Variants in PIK3C2G observed in about 807,000 individuals in gnomAD.
The protein encoded by PIK3C2G is phosphatidylinositol 3-kinase C2 domain-containing subunit gamma.
A neutral mutation model predicts 181.1 loss-of-function variants in PIK3C2G; 168 were observed. The observed-to-expected ratio is 0.93, with a 90% CI of 0.82 to 1.05. The LOEUF is 1.05. Among genes scored for constraint, PIK3C2G ranks in the 50% least tolerant of loss-of-function variants. The probability of loss-of-function intolerance (pLI) is 0.00; values close to 1 mark genes in which losing one functional copy is unlikely to be tolerated. For synonymous variants in PIK3C2G, 573 were observed against 592.2 expected (o/e 0.97, Z 0.47); for missense variants, 1,869 against 1,732.8 (o/e 1.08, Z -1.40).
At chr12:18,408,946 G>C (rs770548929) in intron 16 of PIK3C2G, among the ~76,000 whole-genome samples, 59 of 152,146 alleles carry the variant, frequency 3.9e-4, no homozygotes, top group Admixed American at 1.2e-3. Context: ...TTATACTGTT[G>C]GTGGGAGTGT....
the PIK3C2G span, chr12:18,688,319 T>C: frequency 8.2e-7 from 1 of 1,220,754 alleles, no homozygotes; most frequent in Non-Finnish European, 1.1e-6. Flanking sequence ...TGATGGACTC[T>C]AAGTCAGCTC....
At chr12:18,706,022 T>A in the PIK3C2G span, among the ~76,000 whole-genome samples, 28 of 151,338 alleles carry the variant, frequency 1.9e-4, no homozygotes, top group African/African-American at 6.1e-4. Context: ...GGGTCAGGAG[T>A]TCGAGACCAG....
chr12:18,637,301 T>C (rs1949646210), intron 31 of PIK3C2G, among the ~76,000 whole-genome samples: 1 of 152,174 alleles, frequency 6.6e-6, no homozygotes, highest in Admixed American at 6.5e-5. Flanking sequence ...ATTCAAGGGT[T>C]TCTGGATCTG....
intron 29 of PIK3C2G, among the ~76,000 whole-genome samples, chr12:18,580,668 A>C (rs1946451705): frequency 6.6e-6 from 1 of 152,224 alleles, no homozygotes; most frequent in African/African-American, 2.4e-5. Flanking sequence ...ACTATTCTTC[A>C]TAGTGTCATT....
the PIK3C2G span, among the ~76,000 whole-genome samples, chr12:18,660,692 G>A: frequency 6.6e-6 from 1 of 152,038 alleles, no homozygotes; most frequent in African/African-American, 2.4e-5. Flanking sequence ...TTCTGGGAAA[G>A]GAGAAGAATC....
At chr12:18,589,207 T>A (rs1463128221) in intron 29 of PIK3C2G, among the ~76,000 whole-genome samples, 1 of 151,800 alleles carries the variant, frequency 6.6e-6, no homozygotes, top group Non-Finnish European at 1.5e-5. Flanking sequence ...GAAAGAAGAT[T>A]AAAGTTTTAA....
At chr12:18,408,423 T>C (rs1944662445) in intron 16 of PIK3C2G, among the ~76,000 whole-genome samples, 1 of 152,176 alleles carries the variant, frequency 6.6e-6, no homozygotes, top group African/African-American at 2.4e-5. Context: ...TTGGTCTTTA[T>C]ATCTGTTTTG....
At chr12:18,464,374 C>T (rs4522222) in intron 18 of PIK3C2G, among the ~76,000 whole-genome samples, 150,724 of 152,112 alleles carry the variant, frequency 0.99, 74,690 homozygotes, top group Non-Finnish European at 1. Flanking sequence ...TCCCTACTCT[C>T]AACACAATTG....
intron 26 of PIK3C2G, among the ~76,000 whole-genome samples, chr12:18,549,025 T>C (rs1302291268): frequency 6.6e-6 from 1 of 152,034 alleles, no homozygotes; most frequent in African/African-American, 2.4e-5. Flanking sequence ...AATGGAATCA[T>C]AAAATTTCTG....
chr12:18,641,789 T>C (rs1264814957), intron 32 of PIK3C2G, among the ~76,000 whole-genome samples: 2 of 144,460 alleles, frequency 1.4e-5, no homozygotes, highest in Admixed American at 1.4e-4. Context: ...ACTCTGTGTC[T>C]AGCAGGCTGG....
At chr12:18,621,770 T>G (rs1451632708) in intron 31 of PIK3C2G, among the ~76,000 whole-genome samples, 1 of 151,828 alleles carries the variant, frequency 6.6e-6, no homozygotes, top group African/African-American at 2.4e-5. Flanking sequence ...CACCTATTTA[T>G]CATAAGATTC....
intron 10 of PIK3C2G, among the ~76,000 whole-genome samples, chr12:18,346,289 C>T (rs1939664426): frequency 6.6e-6 from 1 of 152,090 alleles, no homozygotes; most frequent in Admixed American, 6.6e-5. Context: ...CATCTATATT[C>T]CTTGTCTGAA....
At chr12:18,362,579 G>A (rs1941333810) in intron 11 of PIK3C2G, among the ~76,000 whole-genome samples, 185 bp from the exon 12 acceptor site, 2 of 152,138 alleles carry the variant, frequency 1.3e-5, no homozygotes, top group South Asian at 4.1e-4. Context: ...AGGTCTTAGG[G>A]CCTCCTATTC....
chr12:18,626,424 C>A (rs1306814864), intron 31 of PIK3C2G, among the ~76,000 whole-genome samples: 1 of 151,710 alleles, frequency 6.6e-6, no homozygotes, highest in African/African-American at 2.4e-5. Flanking sequence ...GTCTTTGTGC[C>A]TGGGATAATA....
chr12:18,485,356 A>G (rs1432476999), intron 18 of PIK3C2G, among the ~76,000 whole-genome samples: 2 of 152,154 alleles, frequency 1.3e-5, no homozygotes, highest in African/African-American at 4.8e-5. Flanking sequence ...TCTCCATTCT[A>G]TGCTAGCTGA....
intron 15 of PIK3C2G, among the ~76,000 whole-genome samples, chr12:18,396,076 A>G (rs1943874959): frequency 6.6e-6 from 1 of 151,680 alleles, no homozygotes; most frequent in Admixed American, 6.6e-5. Context: ...AAATGCACTA[A>G]GAACTCAAAT....
At chr12:18,690,302 C>T in the PIK3C2G span, among the ~76,000 whole-genome samples, 2 of 152,126 alleles carry the variant, frequency 1.3e-5, no homozygotes, top group Admixed American at 6.6e-5. Flanking sequence ...CGGCTCACTG[C>T]AACCTCTGCC....
chr12:18,718,986 C>T, the PIK3C2G span, among the ~76,000 whole-genome samples: 1 of 152,100 alleles, frequency 6.6e-6, no homozygotes, highest in Non-Finnish European at 1.5e-5. Flanking sequence ...TCACTATCCA[C>T]AAATGTGAAG....
chr12:18,589,449 G>A (rs1422580677), intron 29 of PIK3C2G, among the ~76,000 whole-genome samples: 1 of 151,586 alleles, frequency 6.6e-6, no homozygotes, highest in African/African-American at 2.4e-5. Flanking sequence ...ATTTTTCTTT[G>A]TTAAAATAAA....
Sources: allele counts gnomAD v4.1 joint callset (sites outside exome capture counted in the v4.1 genomes callset), GRCh38; gene constraint gnomAD v4.1.1; transcripts MANE v1.5; gene names NCBI Gene and HGNC (gene_info 2026-07-23, HGNC 2026-07-21).